NEK11: variants seen among roughly 807,000 people sequenced by gnomAD.
The protein encoded by NEK11 is serine/threonine-protein kinase Nek11.
In NEK11, 72 loss-of-function variants were observed where a neutral mutation model predicts 80.7. That is an observed-to-expected ratio of 0.89 (90% CI 0.74 to 1.08). NEK11 has a LOEUF of 1.08. NEK11 is among the 50% of genes least tolerant of loss of function. The probability of loss-of-function intolerance (pLI) is 0.00; values close to 1 mark genes in which losing one functional copy is unlikely to be tolerated. For synonymous variants in NEK11, 251 were observed against 260.7 expected, an observed-to-expected ratio of 0.96 and a Z score of 0.36; for missense variants, 764 against 763.6, an observed-to-expected ratio of 1.00 and a Z score of -0.01.
intron 14 of NEK11, among the ~76,000 whole-genome samples, chr3:131,195,820 A>ATATATATATATATG (rs1553929089): frequency 4.2e-5 from 6 of 143,506 alleles, no homozygotes; most frequent in African/African-American, 1.5e-4. Context: ...ATATATATAT[A>ATATATATATATATG]AAATTGAAGA....
intron 14 of NEK11, among the ~76,000 whole-genome samples, chr3:131,175,763 T>C (rs138250613): frequency 7.9e-4 from 120 of 152,294 alleles, no homozygotes; most frequent in African/African-American, 2.8e-3. Context: ...ATATAAATTA[T>C]ACCTAAATAA....
chr3:131,286,444 T>C (rs967742083), intron 17 of NEK11, among the ~76,000 whole-genome samples: 5 of 152,234 alleles, frequency 3.3e-5, no homozygotes, highest in African/African-American at 1.2e-4. Flanking sequence ...TGACCATGCC[T>C]GAATTGTAGT....
At chr3:131,119,002 C>A (rs1368984577) in intron 5 of NEK11, among the ~76,000 whole-genome samples, 1 of 152,020 alleles carries the variant, frequency 6.6e-6, no homozygotes, top group Non-Finnish European at 1.5e-5. Context: ...TTATTTCCTG[C>A]CTTCTGCTAG....
At chr3:131,152,345 A>C (rs1436879248) in intron 7 of NEK11, 43 bp from the exon 8 acceptor site, 1 of 1,531,888 alleles carries the variant, frequency 6.5e-7, no homozygotes, top group East Asian at 2.3e-5. Context: ...AATTTAAAAT[A>C]GGATATTTGT....
In NEK11 at chr3:131,168,361, A is replaced by ATTT. The variant is rs1560756543; in HGVS notation, c.1177-468_1177-466dup. ...TCTTTTTTTTTTTTTATTTTTATTTATTTATTTTTTTTTGAGACGGAGTCT... is the reference window on the plus strand; with the variant it reads ...TCTTTTTTTTTTTTTATTTTTATTTATTTTTTATTTTTTTTTGAGACGGAGTCT... On this transcript the variant is annotated intron_variant, in intron 12 of 17. Transcript: ENST00000383366. Among the ~76,000 whole-genome samples, 33 of 138,452 alleles carry ATTT rather than the reference A, an allele frequency of 2.4e-4. 2 individuals carry two copies. The highest frequency in any genetic ancestry group is 7.5e-4 in the African/African-American group (28 of 37,104). The allele number at this position is 138,452 out of a possible 152,430, so 90.8% of individuals were successfully genotyped here. A position where few individuals can be genotyped will look rare whatever the true frequency, so the allele number is the denominator to read the frequency against.
chr3:131,028,921 G>A (rs933786017), intron 2 of NEK11, among the ~76,000 whole-genome samples: 4 of 152,190 alleles, frequency 2.6e-5, no homozygotes, highest in African/African-American at 9.7e-5. Context: ...TTTATCTGTA[G>A]CATTTATATT....
chr3:131,047,567 A>C (rs1413237983), intron 3 of NEK11, among the ~76,000 whole-genome samples: 1 of 152,232 alleles, frequency 6.6e-6, no homozygotes, highest in East Asian at 1.9e-4. Context: ...ACCACCCAGC[A>C]GAGCTACTGG....
intron 17 of NEK11, among the ~76,000 whole-genome samples, chr3:131,343,945 C>A (rs2097324298): frequency 6.6e-6 from 1 of 152,204 alleles, no homozygotes; most frequent in Non-Finnish European, 1.5e-5. Flanking sequence ...GATATTTACA[C>A]TTAACCCACT....
intron 3 of NEK11, among the ~76,000 whole-genome samples, chr3:131,042,929 T>C (rs2066755121): frequency 6.6e-6 from 1 of 152,160 alleles, no homozygotes; most frequent in Non-Finnish European, 1.5e-5. Flanking sequence ...GGCAGCAATC[T>C]TTGCTGTTCT....
intron 6 of NEK11, chr3:131,133,189 G>A: frequency 2.3e-6 from 1 of 441,960 alleles, no homozygotes; most frequent in South Asian, 1.6e-5. Flanking sequence ...TTCATCACAA[G>A]CAATAAGTGG....
At chr3:131,128,834 C>T (rs1433177026) in intron 5 of NEK11, among the ~76,000 whole-genome samples, 2 of 152,094 alleles carry the variant, frequency 1.3e-5, no homozygotes, top group Non-Finnish European at 2.9e-5. Context: ...GTCAGTGTCT[C>T]GATTTGGGCC....
In NEK11 at chr3:131,029,804, A is replaced by G. The variant is rs138488290; in HGVS notation, c.96A>G (p.Gln32=). The part of the protein sequence containing the change: ...KTLIARRYVL[Q]QKLGSGSFGT... ...TGATTGCAAGAAGATACGTGCTTCA[A>G]CAAAAACTTGGCAGTGGAAGTTTTG... The change falls in exon 3 of 18, where the codon CAA becomes CAG. Residue 32 remains glutamine, a synonymous_variant. Coordinates refer to ENST00000383366, the MANE Select transcript of NEK11 (RefSeq NM_024800.5). The G allele has an allele frequency of 2.7e-4, 440 of 1,614,248 alleles. No individual in the cohort carries two copies. In the African/African-American group the frequency reaches 4.5e-3, roughly 17 times the overall value.
chr3:131,187,383 G>A (rs953141870), intron 14 of NEK11, among the ~76,000 whole-genome samples: 2 of 152,214 alleles, frequency 1.3e-5, no homozygotes, highest in African/African-American at 4.8e-5. Context: ...ATTCTGGTGG[G>A]AAACCTGTTT....
rs559588724 is a variant in NEK11, at chr3:131,239,138, TG to T, written c.1561-4297del. ...GGAAAAAAAAAACATGGGTCCAGAG[TG>T]ACTCTGGGTGAGGAGGGAAGAGGAA... On this transcript the variant is annotated intron_variant, in intron 15 of 17. Transcript: ENST00000383366. Among the ~76,000 whole-genome samples, 347 of 150,294 alleles carry T rather than the reference TG, an allele frequency of 2.3e-3. 3 individuals are homozygous for T. Among genetic ancestry groups the T allele is most frequent in the Non-Finnish European group, 3.1e-3 (213 of 67,648 alleles).
At chr3:131,119,058 T>A (rs184964570) in intron 5 of NEK11, among the ~76,000 whole-genome samples, 23 of 152,316 alleles carry the variant, frequency 1.5e-4, no homozygotes, top group Admixed American at 9.8e-4. Context: ...TTAATTGTGA[T>A]GTTAGGGTGT....
chr3:131,094,618 A>G (rs919778668), intron 4 of NEK11, among the ~76,000 whole-genome samples: 1 of 152,218 alleles, frequency 6.6e-6, no homozygotes, highest in African/African-American at 2.4e-5. Flanking sequence ...TATTCCATAA[A>G]GCAAACACAT....
intron 17 of NEK11, among the ~76,000 whole-genome samples, chr3:131,282,167 T>C (rs1322129978): frequency 6.6e-6 from 1 of 151,960 alleles, no homozygotes; most frequent in East Asian, 1.9e-4. Context: ...GGAGTAGGGG[T>C]TTGTGGTGTT....
At chr3:131,115,724 C>T (rs2149396405) in intron 5 of NEK11, among the ~76,000 whole-genome samples, 1 of 152,152 alleles carries the variant, frequency 6.6e-6, no homozygotes, top group Non-Finnish European at 1.5e-5. Context: ...CTGCAGAGAG[C>T]CCACCTGCTG....
chr3:131,326,639 C>G (rs1022421781), intron 17 of NEK11, among the ~76,000 whole-genome samples: 2 of 152,136 alleles, frequency 1.3e-5, no homozygotes, highest in African/African-American at 4.8e-5. Flanking sequence ...CTATACTATC[C>G]CTAAACCCAA....
Sources: allele counts gnomAD v4.1 joint callset (sites outside exome capture counted in the v4.1 genomes callset), GRCh38; gene constraint gnomAD v4.1.1; transcripts MANE v1.5; gene names NCBI Gene and HGNC (gene_info 2026-07-23, HGNC 2026-07-21).